Variants in DPY19L2 observed in about 807,000 individuals in gnomAD.
DPY19L2 encodes dpy-19 like 2.
A neutral mutation model predicts 97.9 loss-of-function variants in DPY19L2; 34 were observed. The observed-to-expected ratio is 0.35, with a 90% CI of 0.26 to 0.46. DPY19L2 has a LOEUF of 0.46. Among genes scored for constraint, DPY19L2 ranks in the 20% least tolerant of loss-of-function variants. The pLI is 1.00. For missense variants in DPY19L2, 623 were observed against 911.4 expected (o/e 0.68, Z 4.07); for synonymous variants, 230 against 307.9 (o/e 0.75, Z 2.65).
At chr12:63,569,976 A>G (rs1878492018) in intron 20 of DPY19L2, among the ~76,000 whole-genome samples, 1 of 152,186 alleles carries the variant, frequency 6.6e-6, no homozygotes, top group Non-Finnish European at 1.5e-5. Context: ...CTCAGTCACC[A>G]CAGTGGTTTC....
intron 16 of DPY19L2, among the ~76,000 whole-genome samples, chr12:63,592,121 AAAGAC>A (rs1425175146): frequency 2.5e-4 from 37 of 147,534 alleles, no homozygotes; most frequent in Admixed American, 2.3e-3. Context: ...AGAGAAGAGG[AAAGAC>A]AAGACAAGAC....
Position 63,653,622 on chromosome 12 carries a change from C to T in DPY19L2, c.589-6257G>A, listed in dbSNP as rs548616771. ...TAATGACTGGACTTCCCATATATGG[C>T]AAAAGTTATAAACCTAAATATTCAA... is the stretch of plus-strand genomic sequence containing the variant. On this transcript the variant is annotated intron_variant, in intron 4 of 21. Transcript: ENST00000324472. Among the ~76,000 whole-genome samples, 8 of 151,940 alleles carry T rather than the reference C, an allele frequency of 5.3e-5. No individual in the cohort carries two copies. The East Asian group carries it at 1.5e-3, about 29-fold the overall frequency.
At chr12:63,561,117 A>G (rs1020192824) in intron 21 of DPY19L2, among the ~76,000 whole-genome samples, 4 of 152,166 alleles carry the variant, frequency 2.6e-5, no homozygotes, top group Non-Finnish European at 5.9e-5. Flanking sequence ...GGAGACTCTT[A>G]CAGCAATTTG....
At chr12:63,659,793 T>A (rs1448280967) in intron 4 of DPY19L2, among the ~76,000 whole-genome samples, 1 of 152,124 alleles carries the variant, frequency 6.6e-6, no homozygotes, top group Non-Finnish European at 1.5e-5. Context: ...GATGGATATA[T>A]AGCTTCATAC....
At chr12:63,592,884 T>G (rs1031566531) in intron 16 of DPY19L2, among the ~76,000 whole-genome samples, 1 of 151,942 alleles carries the variant, frequency 6.6e-6, no homozygotes, top group African/African-American at 2.4e-5. Context: ...TTTCACAACC[T>G]ACTCATCTGA....
At chr12:63,599,121 C>T (rs1565742469) in intron 13 of DPY19L2, among the ~76,000 whole-genome samples, 1 of 149,940 alleles carries the variant, frequency 6.7e-6, no homozygotes, top group Non-Finnish European at 1.5e-5. Context: ...TGCTGTGACC[C>T]GAAATTGGCC....
intron 6 of DPY19L2, among the ~76,000 whole-genome samples, chr12:63,635,652 G>C (rs1267147345): frequency 6.6e-6 from 1 of 152,166 alleles, no homozygotes; most frequent in Non-Finnish European, 1.5e-5. Context: ...ACAAGCTTCA[G>C]TAGCCGATTT....
intron 14 of DPY19L2, among the ~76,000 whole-genome samples, chr12:63,596,268 T>A (rs554433361): frequency 6.6e-6 from 1 of 152,192 alleles, no homozygotes; most frequent in African/African-American, 2.4e-5. Context: ...TTTATTATTT[T>A]AATAAAACTA....
chr12:63,581,740 T>C (rs1325423724), intron 18 of DPY19L2, among the ~76,000 whole-genome samples: 14 of 143,444 alleles, frequency 9.8e-5, no homozygotes, highest in East Asian at 4.3e-4. Flanking sequence ...ACCTCGGCCT[T>C]CCAAAGTGCT....
At chr12:63,621,211 AAAAATT>A (rs1407318692) in intron 9 of DPY19L2, 21 bp downstream of exon 9, 1 of 1,056,042 alleles carries the variant, frequency 9.5e-7, no homozygotes, top group African/African-American at 1.6e-5. Context: ...AAATAAAAAT[AAAAATT>A]AATTTAAAAA....
At chr12:63,664,046 C>A (rs1417480398) in intron 2 of DPY19L2, among the ~76,000 whole-genome samples, 1 of 151,994 alleles carries the variant, frequency 6.6e-6, no homozygotes, top group African/African-American at 2.4e-5. Flanking sequence ...GGTTTTTAAG[C>A]TTAACTGTGG....
intron 21 of DPY19L2, among the ~76,000 whole-genome samples, chr12:63,569,015 T>TA (rs1214345110): frequency 6.6e-6 from 1 of 152,008 alleles, no homozygotes; most frequent in Non-Finnish European, 1.5e-5. Flanking sequence ...ATCAGGATAT[T>TA]AAATATACTA....
intron 6 of DPY19L2, among the ~76,000 whole-genome samples, chr12:63,631,855 G>C (rs1019625886): frequency 2.0e-5 from 3 of 152,054 alleles, no homozygotes; most frequent in African/African-American, 4.8e-5. Flanking sequence ...ACATCAAAAA[G>C]CTTATCTACC....
intron 12 of DPY19L2, among the ~76,000 whole-genome samples, chr12:63,601,481 A>C (rs1885181464): frequency 1.3e-5 from 2 of 152,296 alleles, no homozygotes; most frequent in South Asian, 4.1e-4. Context: ...AACCACATAC[A>C]TGGCAAAAAA....
chr12:63,638,107 C>A (rs1333537701), intron 6 of DPY19L2, among the ~76,000 whole-genome samples: 1 of 152,128 alleles, frequency 6.6e-6, no homozygotes, highest in East Asian at 1.9e-4. Flanking sequence ...AAGACAAAAA[C>A]CACATGATTA....
At chr12:63,601,293 TA>T (rs1474324003) in intron 12 of DPY19L2, among the ~76,000 whole-genome samples, 1 of 151,918 alleles carries the variant, frequency 6.6e-6, no homozygotes, top group Non-Finnish European at 1.5e-5. Context: ...AGCTTTCCTT[TA>T]AGAAAGAGGA....
chr12:63,623,513 A>G (rs1889035715), intron 8 of DPY19L2, among the ~76,000 whole-genome samples: 1 of 152,018 alleles, frequency 6.6e-6, no homozygotes, highest in African/African-American at 2.4e-5. Context: ...ACAAACGCAT[A>G]CCTTTTGGTT....
chr12:63,638,749 G>A (rs1195560830), intron 6 of DPY19L2, among the ~76,000 whole-genome samples: 2 of 152,114 alleles, frequency 1.3e-5, no homozygotes, highest in African/African-American at 4.8e-5. Context: ...GGATAGGAAG[G>A]ATCAATATCG....
rs371525571 is a variant in DPY19L2, at chr12:63,567,571, C to T, written c.2126+1653G>A. On this transcript the variant is annotated intron_variant, in intron 21 of 21. Transcript: ENST00000324472. ...TTTAAAGATTTTCAGAGAAGAAAAA[C>T]GTATAGTGATTAATATCTGCATATT... 1.0e-3 allele frequency among the ~76,000 whole-genome samples: 157 copies of T among 152,050 alleles called. 1 individual carries two copies. Among genetic ancestry groups the T allele is most frequent in the African/African-American group, 3.6e-3 (150 of 41,504 alleles).
Sources: allele counts gnomAD v4.1 joint callset (sites outside exome capture counted in the v4.1 genomes callset), GRCh38; gene constraint gnomAD v4.1.1; transcripts MANE v1.5; gene names NCBI Gene and HGNC (gene_info 2026-07-23, HGNC 2026-07-21).